DOCK1: variants seen among roughly 807,000 people sequenced by gnomAD.
The protein encoded by DOCK1 is dedicator of cytokinesis 1, also known as dedicator of cytokinesis protein 1.
A neutral mutation model predicts 262.7 loss-of-function variants in DOCK1; 138 were observed. The ratio of observed to expected loss-of-function variants is 0.53; its 90% confidence interval spans 0.46 to 0.61. The LOEUF (loss-of-function observed/expected upper bound fraction) is 0.61, where lower values mean the gene tolerates loss of function less well. Among genes scored for constraint, DOCK1 ranks in the 20% least tolerant of loss-of-function variants. The probability of loss-of-function intolerance (pLI) is 0.00; values close to 1 mark genes in which losing one functional copy is unlikely to be tolerated. For synonymous variants in DOCK1, 866 were observed against 867.4 expected (o/e 1.00, Z 0.03); for missense variants, 1,908 against 2,370.7 (o/e 0.80, Z 4.05).
intron 1 of DOCK1, among the ~76,000 whole-genome samples, chr10:126,912,727 G>GAA (rs66679297): frequency 7.9e-6 from 1 of 126,150 alleles, no homozygotes; most frequent in Non-Finnish European, 1.6e-5. Context: ...CTCCATCTCG[G>GAA]AAAAAAAAAA....
chr10:127,211,650 A>G (rs1192440219), intron 27 of DOCK1, among the ~76,000 whole-genome samples: 1 of 152,106 alleles, frequency 6.6e-6, no homozygotes, highest in Non-Finnish European at 1.5e-5. Flanking sequence ...GGATCAGATA[A>G]TTGGCCAAAT....
chr10:127,258,070 G>T (rs1316896648), intron 29 of DOCK1, among the ~76,000 whole-genome samples: 1 of 152,110 alleles, frequency 6.6e-6, no homozygotes, highest in Admixed American at 6.5e-5. Context: ...ATGTGCAGTT[G>T]TAGGAAGTCA....
intron 38 of DOCK1, among the ~76,000 whole-genome samples, chr10:127,389,025 A>G (rs2066306304): frequency 6.6e-6 from 1 of 152,260 alleles, no homozygotes; most frequent in African/African-American, 2.4e-5. Context: ...ATAACATCTC[A>G]TAAAACTTGT....
chr10:126,955,560 C>T (rs2036665404), intron 1 of DOCK1, among the ~76,000 whole-genome samples: 1 of 152,120 alleles, frequency 6.6e-6, no homozygotes, highest in Non-Finnish European at 1.5e-5. Flanking sequence ...AGGGTTTGGC[C>T]AGGTGTCAGT....
At chr10:127,411,025 G>A (rs2067815978) in intron 43 of DOCK1, 101 bp downstream of exon 43, 3 of 1,171,036 alleles carry the variant, frequency 2.6e-6, no homozygotes, top group South Asian at 2.9e-5. Flanking sequence ...CAGCCACGGA[G>A]CCATATTAAA....
intron 27 of DOCK1, among the ~76,000 whole-genome samples, chr10:127,239,583 A>T (rs777594025): frequency 9.8e-5 from 15 of 152,290 alleles, no homozygotes; most frequent in Non-Finnish European, 1.6e-4. Flanking sequence ...TAACAATGAT[A>T]ATTGTAGTGT....
At chr10:127,246,279 A>G (rs1018793898) in intron 27 of DOCK1, among the ~76,000 whole-genome samples, 1 of 152,226 alleles carries the variant, frequency 6.6e-6, no homozygotes, top group Non-Finnish European at 1.5e-5. Flanking sequence ...ACTCCTTCAG[A>G]GAGTGAAACC....
At chr10:127,349,780 G>A (rs2063799547) in intron 31 of DOCK1, among the ~76,000 whole-genome samples, 1 of 152,120 alleles carries the variant, frequency 6.6e-6, no homozygotes, top group Non-Finnish European at 1.5e-5. Flanking sequence ...CCGGTCTTTG[G>A]CATTCCGTGG....
rs141977126 is a variant in DOCK1, at chr10:127,060,074, C to T, written c.2337-1594C>T. Among the ~76,000 whole-genome samples, 66 of 152,036 alleles carry T rather than the reference C, an allele frequency of 4.3e-4. No individual in the cohort carries two copies. The East Asian group carries it at 0.01, about 23-fold the overall frequency. ...CTTTCTAGGATTTTCATCTGAGAGT[C>T]GGCTCTGTTACCTGGGGACTCTCTC... On this transcript the variant is annotated intron_variant, in intron 22 of 51. Transcript: ENST00000623213.
intron 48 of DOCK1, among the ~76,000 whole-genome samples, chr10:127,435,669 C>T (rs1374714153): frequency 6.6e-6 from 1 of 152,124 alleles, no homozygotes; most frequent in Non-Finnish European, 1.5e-5. Flanking sequence ...AGGTTTTAGA[C>T]AGAAGAGTGG....
At chr10:126,909,452 T>TA (rs2031434175) in intron 1 of DOCK1, among the ~76,000 whole-genome samples, 1 of 152,168 alleles carries the variant, frequency 6.6e-6, no homozygotes. Flanking sequence ...GGGAATTTGT[T>TA]ACGGCAGCAG....
intron 1 of DOCK1, among the ~76,000 whole-genome samples, chr10:126,949,561 C>T (rs953330129): frequency 1.2e-4 from 18 of 152,088 alleles, no homozygotes; most frequent in Admixed American, 9.2e-4. Context: ...GCAGCAAGGG[C>T]AGAGCTGGGA....
At chr10:127,106,110 T>G in intron 23 of DOCK1, 121 bp from the exon 24 acceptor site, 1 of 1,017,900 alleles carries the variant, frequency 9.8e-7, no homozygotes, top group East Asian at 2.7e-5. Flanking sequence ...CGTCAGCCCC[T>G]CATCTGGAAG....
At chr10:126,930,496 G>T (rs2034109318) in intron 1 of DOCK1, among the ~76,000 whole-genome samples, 1 of 152,214 alleles carries the variant, frequency 6.6e-6, no homozygotes, top group Non-Finnish European at 1.5e-5. Flanking sequence ...GCCCTTCCCG[G>T]GTGGGTTGGC....
intron 29 of DOCK1, among the ~76,000 whole-genome samples, chr10:127,286,087 G>T (rs973569493): frequency 1.3e-5 from 2 of 152,010 alleles, no homozygotes; most frequent in Admixed American, 6.6e-5. Context: ...CCCCTTTCCT[G>T]TGTTGCCCTC....
chr10:127,360,072 T>G (rs1247705921), intron 32 of DOCK1, among the ~76,000 whole-genome samples: 1 of 152,238 alleles, frequency 6.6e-6, no homozygotes, highest in African/African-American at 2.4e-5. Flanking sequence ...GATCACCTTT[T>G]TGATAGGACC....
chr10:127,413,683 A>G (rs908242661), intron 43 of DOCK1, among the ~76,000 whole-genome samples: 13 of 152,180 alleles, frequency 8.5e-5, no homozygotes, highest in African/African-American at 2.2e-4. Flanking sequence ...GCATGTTGAC[A>G]TGAGAGAAAG....
At chr10:127,181,467 G>A (rs183575654) in intron 27 of DOCK1, among the ~76,000 whole-genome samples, 13 of 152,300 alleles carry the variant, frequency 8.5e-5, no homozygotes, top group Admixed American at 3.3e-4. Context: ...GCAGGCAGCT[G>A]CCAGTCTGAC....
intron 27 of DOCK1, among the ~76,000 whole-genome samples, chr10:127,158,281 A>C (rs977048623): frequency 6.6e-6 from 1 of 152,238 alleles, no homozygotes; most frequent in Non-Finnish European, 1.5e-5. Flanking sequence ...AGGAAGAACA[A>C]CCTAAAAACT....
Sources: gnomAD v4.1 joint callset for allele counts (sites outside exome capture counted in the v4.1 genomes callset) on GRCh38, gnomAD v4.1.1 for gene constraint, MANE v1.5 for transcripts, NCBI Gene and HGNC (gene_info 2026-07-23, HGNC 2026-07-21) for gene names.